Variants in ZNF451 observed in about 807,000 individuals in gnomAD.
ZNF451 encodes zinc finger protein 451, also known as E3 SUMO-protein ligase ZNF451.
Under a neutral mutation model 107.1 loss-of-function variants are expected in ZNF451, and 80 were observed. That is an observed-to-expected ratio of 0.75 (90% CI 0.62 to 0.90). ZNF451 has a LOEUF of 0.90. Ranked by LOEUF, ZNF451 falls within the 40% of genes least tolerant of loss-of-function variation. The pLI is 0.00. For synonymous variants in ZNF451, 362 were observed against 406.5 expected (o/e 0.89, Z 1.32); for missense variants, 1,107 against 1,236.2 (o/e 0.90, Z 1.57).
rs1829676009 is a variant in ZNF451 at position 57,102,955 on chromosome 6, AGTCATGG to A, written c.186+3815_186+3821del. ...GCTCTCGTATCAAGCTGTAAGACTG[AGTCATGG>A]TAGTCTCTCACTGTAAGCTGGGCCT... On this transcript the variant is annotated intron_variant, in intron 3 of 14. Coordinates refer to ENST00000370706, the MANE Select transcript of ZNF451 (RefSeq NM_001031623.3). 9 of 985,446 alleles carry A rather than the reference AGTCATGG, an allele frequency of 9.1e-6. No homozygotes were observed. The South Asian group carries it at 2.3e-4, about 26-fold the overall frequency. The allele number at this position is 985,446 out of a possible 1,614,324, so 61.0% of individuals were successfully genotyped here.
chr6:57,160,001 A>G (rs1005691508), intron 13 of ZNF451, among the ~76,000 whole-genome samples: 7 of 152,182 alleles, frequency 4.6e-5, no homozygotes, highest in African/African-American at 1.7e-4. Context: ...ATATAAATAT[A>G]TATTGATTTA....
At chr6:57,110,048 GA>G (rs1390565379) in intron 3 of ZNF451, among the ~76,000 whole-genome samples, 1 of 152,192 alleles carries the variant, frequency 6.6e-6, no homozygotes, top group Non-Finnish European at 1.5e-5. Flanking sequence ...AAGCCATATA[GA>G]GGGGTGAGGA....
chr6:57,094,574 C>T (rs567700624), intron 2 of ZNF451, among the ~76,000 whole-genome samples: 28 of 152,120 alleles, frequency 1.8e-4, no homozygotes, highest in Non-Finnish European at 3.4e-4. Context: ...CTTGTAATTA[C>T]AGGACCATAC....
intron 3 of ZNF451, chr6:57,108,888 A>C: frequency 1.0e-6 from 1 of 985,452 alleles, no homozygotes. Flanking sequence ...CAACTTGCTC[A>C]GGTGGTGGAA....
intron 3 of ZNF451, among the ~76,000 whole-genome samples, chr6:57,123,293 G>C (rs1198150824): frequency 6.6e-6 from 1 of 152,110 alleles, no homozygotes; most frequent in African/African-American, 2.4e-5. Context: ...AAGAAAATGT[G>C]GTATATGTAC....
intron 2 of ZNF451, among the ~76,000 whole-genome samples, chr6:57,096,944 A>G (rs925220818): frequency 2.0e-5 from 3 of 150,536 alleles, no homozygotes; most frequent in Non-Finnish European, 4.4e-5. Context: ...CCCTATTCCT[A>G]TTTTTAGTGG....
chr6:57,140,368 C>T (rs889502463), intron 7 of ZNF451, among the ~76,000 whole-genome samples: 1 of 152,062 alleles, frequency 6.6e-6, no homozygotes, highest in Non-Finnish European at 1.5e-5. Context: ...AAGTTCGAGA[C>T]CAGCCTGGGC....
chr6:57,105,373 T>C, intron 3 of ZNF451: 1 of 984,730 alleles, frequency 1.0e-6, no homozygotes, highest in Non-Finnish European at 1.2e-6. Context: ...CTGTTTCCAT[T>C]TTTATATGAA....
intron 5 of ZNF451, among the ~76,000 whole-genome samples, chr6:57,131,881 GT>G (rs1292549635): frequency 6.6e-6 from 1 of 152,158 alleles, no homozygotes; most frequent in Non-Finnish European, 1.5e-5. Context: ...ACTTGTGGTT[GT>G]TTTGCAATTG....
rs770843835 is a variant in ZNF451, at chr6:57,141,985, T to G, written c.894T>G (p.Ser298=). Reference sequence around the variant, plus strand: ...TTGCACATCCAATATCTTTCCCATCTTTTGCAAAGAAACTTTTGATCTCTC... The same window carrying G: ...TTGCACATCCAATATCTTTCCCATCGTTTGCAAAGAAACTTTTGATCTCTC... ...KGIAHPISFP[S]FAKKLLISLC... The change falls in exon 9 of 15, where the codon TCT becomes TCG. Residue 298 remains serine, a synonymous_variant. Coordinates refer to ENST00000370706, the MANE Select transcript of ZNF451 (RefSeq NM_001031623.3). 1.9e-6 allele frequency: 3 copies of G among 1,614,076 alleles called. No individual in the cohort carries two copies. The South Asian group carries it at 3.3e-5, about 18-fold the overall frequency.
chr6:57,123,107 G>A (rs1308520039), intron 3 of ZNF451, among the ~76,000 whole-genome samples: 1 of 152,196 alleles, frequency 6.6e-6, no homozygotes, highest in African/African-American at 2.4e-5. Flanking sequence ...GGTCAGGGCT[G>A]CGGTGAGTCA....
chr6:57,101,265 TGAAGGGAAACC>T, intron 3 of ZNF451: 1 of 1,551,094 alleles, frequency 6.4e-7, no homozygotes, highest in Non-Finnish European at 8.7e-7. Context: ...CGGAGTCATG[TGAAGGGAAACC>T]TGATTGTGTG....
intron 3 of ZNF451, chr6:57,108,541 T>TAC: frequency 1.0e-6 from 1 of 985,356 alleles, no homozygotes; most frequent in African/African-American, 1.7e-5. Flanking sequence ...ATATTTAATT[T>TAC]ACATCTAACT....
chr6:57,099,026 G>A (rs748589706), intron 2 of ZNF451, 35 bp from the exon 3 acceptor site: 1 of 1,565,690 alleles, frequency 6.4e-7, no homozygotes, highest in Admixed American at 1.7e-5. Context: ...TTGAATAACT[G>A]TTAATGACTT....
chr6:57,159,607 A>G (rs1366618601), intron 13 of ZNF451: 2 of 159,584 alleles, frequency 1.3e-5, no homozygotes, highest in African/African-American at 4.9e-5. Context: ...GTGGCCCAAG[A>G]CAGTCTTCTT....
chr6:57,129,275 C>T (rs1831071479), intron 5 of ZNF451, among the ~76,000 whole-genome samples: 1 of 152,042 alleles, frequency 6.6e-6, no homozygotes, highest in African/African-American at 2.4e-5. Context: ...AAGGAAGCAT[C>T]CTCATAGACT....
intron 3 of ZNF451, chr6:57,100,625 C>T: frequency 1.3e-6 from 2 of 1,530,850 alleles, no homozygotes; most frequent in Non-Finnish European, 1.8e-6. Flanking sequence ...TCTAAGGTGC[C>T]ATCCTCTGAG....
chr6:57,147,635 T>A lies in ZNF451; in HGVS notation c.1550T>A (p.Met517Lys). The A allele has an allele frequency of 6.2e-7, 1 of 1,614,178 alleles. No homozygotes were observed. The highest frequency in any genetic ancestry group is 1.1e-5 in the South Asian group (1 of 91,090). ...CDDSGVIRLH[M>K]SRIHGGAHLN... ...GATTCAGGGGTCATTCGTTTACACA[T>A]GAGCCGGATTCACGGAGGGGCACAT... Residue 517 changes from methionine to lysine, a missense_variant, in exon 10 of 15, where the codon ATG (methionine) becomes AAG (lysine). Met to Lys is a moderately conservative substitution (Grantham distance 95). This residue lies in a region of ZNF451 where 608 missense variants were observed against 649.2 expected (regional missense o/e 0.94). Coordinates refer to ENST00000370706, the MANE Select transcript of ZNF451 (RefSeq NM_001031623.3).
chr6:57,138,727 ATATATATATATATATGTG>A (rs1409399580), intron 7 of ZNF451, among the ~76,000 whole-genome samples: 11 of 114,672 alleles, frequency 9.6e-5, no homozygotes, highest in African/African-American at 3.3e-4. Flanking sequence ...ATATATATAT[ATATATATATATATATGTG>A]TGTGTGTGTG....
Sources: allele counts gnomAD v4.1 joint callset (sites outside exome capture counted in the v4.1 genomes callset), GRCh38; gene constraint gnomAD v4.1.1; regional missense constraint gnomAD v4.1.1; transcripts MANE v1.5; gene names NCBI Gene and HGNC (gene_info 2026-07-23, HGNC 2026-07-21).